Variants in MAPKAPK3 observed in about 807,000 individuals in gnomAD.
MAPKAPK3 encodes MAP kinase-activated protein kinase 3.
MAPKAPK3 carries 35 observed loss-of-function variants against 49.2 expected under a neutral mutation model. The observed-to-expected ratio is 0.71, with a 90% confidence interval of 0.54 to 0.94. The LOEUF is 0.94. Ranked by LOEUF, MAPKAPK3 falls within the 40% of genes least tolerant of loss-of-function variation. The pLI is 0.00. For missense variants in MAPKAPK3, 398 were observed against 493.1 expected (o/e 0.81, Z 1.83); for synonymous variants, 178 against 188.7 (o/e 0.94, Z 0.46).
upstream of MAPKAPK3, among the ~76,000 whole-genome samples, chr3:50,616,417 A>G (rs544434230): frequency 3.9e-5 from 6 of 152,344 alleles, no homozygotes; most frequent in South Asian, 6.2e-4. Context: ...TATATGTGCA[A>G]GGCAAAACTA....
chr3:50,644,685 C>T (rs1288762041), intron 6 of MAPKAPK3, among the ~76,000 whole-genome samples, 153 bp downstream of exon 6: 2 of 152,120 alleles, frequency 1.3e-5, no homozygotes, highest in African/African-American at 4.8e-5. Flanking sequence ...ACGTGGGGGG[C>T]CGGAGGCTGC....
intron 2 of MAPKAPK3, among the ~76,000 whole-genome samples, chr3:50,618,742 T>A (rs1000030132): frequency 6.6e-6 from 1 of 151,932 alleles, no homozygotes; most frequent in African/African-American, 2.4e-5. Flanking sequence ...CAGGCTGGAG[T>A]GCAGTGGCAC....
At chr3:50,644,370 T>C (rs769610245) in intron 5 of MAPKAPK3, 39 bp from the exon 6 acceptor site, 1 of 1,611,770 alleles carries the variant, frequency 6.2e-7, no homozygotes, top group Non-Finnish European at 8.5e-7. Context: ...TCCTGCCTGG[T>C]TCCTAACTCC....
chr3:50,646,455 T>C (rs938921536), intron 8 of MAPKAPK3, among the ~76,000 whole-genome samples, 191 bp downstream of exon 8: 2 of 152,210 alleles, frequency 1.3e-5, no homozygotes, highest in African/African-American at 4.8e-5. Flanking sequence ...GGCTCAAAAC[T>C]TGCCTCCTCA....
At position 50,649,169 on chromosome 3, in the gene MAPKAPK3, A is replaced by C. The variant is rs1342545698; in HGVS notation, c.*1123A>C. 1 of 152,340 alleles carries C rather than the reference A, an allele frequency of 6.6e-6. No individual in the cohort carries two copies. The highest frequency in any genetic ancestry group is 2.4e-5 in the African/African-American group (1 of 41,462). 9.4% of individuals were successfully genotyped at this position (152,340 alleles called of 1,614,324 possible). ...CCTGATACTGCCTGACAAGTGCCTGACACGCAGCCTAGTTCCTTCCTGGCC... is the reference window on the plus strand; with the variant it reads ...CCTGATACTGCCTGACAAGTGCCTGCCACGCAGCCTAGTTCCTTCCTGGCC... On this transcript the variant is annotated 3_prime_UTR_variant, in exon 11 of 11. Transcript: ENST00000621469.
upstream of MAPKAPK3, among the ~76,000 whole-genome samples, chr3:50,613,562 AC>A (rs370927312): frequency 6.6e-6 from 1 of 152,294 alleles, no homozygotes; most frequent in African/African-American, 2.4e-5. Context: ...GGAACTGTCC[AC>A]TGTCTCATTA....
At chr3:50,617,906 T>TGCTCAGCA (rs2032513608) in intron 2 of MAPKAPK3, 122 bp downstream of exon 2, 9 of 739,886 alleles carry the variant, frequency 1.2e-5, no homozygotes, top group Non-Finnish European at 2.1e-5. Flanking sequence ...TTCATCGTCA[T>TGCTCAGCA]ACTGTCCTGT....
chr3:50,632,950 G>A (rs953800959), intron 2 of MAPKAPK3, among the ~76,000 whole-genome samples: 2 of 152,336 alleles, frequency 1.3e-5, no homozygotes, highest in African/African-American at 4.8e-5. Context: ...CTTCCTGGGC[G>A]AGGAAGTGGC....
In MAPKAPK3 at chr3:50,645,793, C is replaced by G; in HGVS notation, c.704+8C>G. 1 of 1,613,524 alleles carries G rather than the reference C, an allele frequency of 6.2e-7. No individual in the cohort carries two copies. Among genetic ancestry groups the G allele is most frequent in the Non-Finnish European group, 8.5e-7 (1 of 1,179,474 alleles). ...TGTCATCATGTACATCCTGTGAGTA[C>G]CTTCCCCACCCCCTGCCTCCATCTC... On this transcript the variant is annotated splice_region_variant and intron_variant, in intron 7 of 10. Coordinates refer to ENST00000621469, the MANE Select transcript of MAPKAPK3 (RefSeq NM_001243925.2).
chr3:50,646,246 T>A lies in MAPKAPK3; in HGVS notation c.811T>A (p.Ser271Thr). The A allele has an allele frequency of 5.0e-6, 8 of 1,614,062 alleles. No individual in the cohort carries two copies. The highest frequency in any genetic ancestry group is 6.8e-6 in the Non-Finnish European group (8 of 1,180,004). The change falls in exon 8 of 11, where the codon TCA (serine) becomes ACA (threonine). Residue 271 changes from serine (S) to threonine (T), a missense_variant. Physicochemically the swap from Ser to Thr is moderately conservative, Grantham distance 58 (BLOSUM62 1). This residue lies in a region of MAPKAPK3 where 152 missense variants were observed against 177.3 expected (regional missense o/e 0.86). Transcript: ENST00000621469. ...GQYGFPNPEWSEVSEDAKQLI... is the reference protein window; with the variant it reads ...GQYGFPNPEWTEVSEDAKQLI... The stretch of plus-strand genomic sequence containing the variant: ...GTACGGCTTCCCCAATCCTGAGTGG[T>A]CAGAAGTCTCTGAGGATGGTGAGTG...
chr3:50,623,976 G>A (rs1206191738), intron 2 of MAPKAPK3, among the ~76,000 whole-genome samples: 1 of 152,242 alleles, frequency 6.6e-6, no homozygotes, highest in African/African-American at 2.4e-5. Flanking sequence ...TGGACAGGTG[G>A]CAGTCCCATG....
chr3:50,633,073 T>TTA (rs1295129711), intron 2 of MAPKAPK3, among the ~76,000 whole-genome samples: 1 of 79,530 alleles, frequency 1.3e-5, no homozygotes, highest in African/African-American at 4.0e-5. Flanking sequence ...ACAAGAAATG[T>TTA]TAGGCCCTGC....
intron 2 of MAPKAPK3, among the ~76,000 whole-genome samples, chr3:50,620,452 C>A (rs941670702): frequency 6.6e-6 from 1 of 152,246 alleles, no homozygotes; most frequent in African/African-American, 2.4e-5. Context: ...CTTGTTCAGG[C>A]CATCTCTGCC....
chr3:50,637,124 C>T (rs1339699223), intron 2 of MAPKAPK3, among the ~76,000 whole-genome samples: 2 of 152,210 alleles, frequency 1.3e-5, no homozygotes, highest in Non-Finnish European at 2.9e-5. Context: ...CAGGCCCAGG[C>T]TGGAAGGCTC....
intron 2 of MAPKAPK3, among the ~76,000 whole-genome samples, chr3:50,634,491 CT>C (rs755345871): frequency 8.0e-4 from 114 of 142,516 alleles, no homozygotes; most frequent in Non-Finnish European, 8.3e-4. Flanking sequence ...TCTTCTTCTT[CT>C]TTTTTTTTTT....
chr3:50,621,597 CAAAAAAAAAA>C (rs57325539), intron 2 of MAPKAPK3, among the ~76,000 whole-genome samples: 2 of 41,766 alleles, frequency 4.8e-5, no homozygotes, highest in Non-Finnish European at 9.7e-5. Flanking sequence ...GGCTGTGTCT[CAAAAAAAAAA>C]AAAAAAAAAA....
chr3:50,639,470 A>C (rs572889261), intron 2 of MAPKAPK3, among the ~76,000 whole-genome samples: 1 of 152,286 alleles, frequency 6.6e-6, no homozygotes, highest in East Asian at 1.9e-4. Flanking sequence ...GGTACTGCAT[A>C]GCAGCTCCCA....
Position 50,644,544 on chromosome 3 carries a change from G to A in MAPKAPK3, c.628+12G>A, listed in dbSNP as rs372000228. Reference sequence around the variant, plus strand: ...TCCCTATTATGTGGGTGAGTCCTTCGGACATGAGTTGTAACTCCTCACCCC... The same window carrying A: ...TCCCTATTATGTGGGTGAGTCCTTCAGACATGAGTTGTAACTCCTCACCCC... On this transcript the variant is annotated intron_variant, in intron 6 of 10. Transcript: ENST00000621469. The A allele has an allele frequency of 5.6e-6, 9 of 1,613,624 alleles. No individual in the cohort carries two copies. The African/African-American group carries it at 9.3e-5, about 17-fold the overall frequency.
rs1276672155 is a variant in MAPKAPK3 at position 50,648,302 on chromosome 3, G to A, written c.*256G>A. ...GCCTGCTGCCATAGCAGCACCTTTA[G>A]CTAGGTTGGCCCGAGTGAGGCCTCT... On this transcript the variant is annotated 3_prime_UTR_variant, in exon 11 of 11. Coordinates refer to ENST00000621469, the MANE Select transcript of MAPKAPK3 (RefSeq NM_001243925.2). The A allele has an allele frequency of 4.6e-6, 2 of 438,402 alleles. No individual in the cohort carries two copies. Among genetic ancestry groups the A allele is most frequent in the Non-Finnish European group, 8.2e-6 (2 of 244,802 alleles). The allele number at this position is 438,402 out of a possible 1,614,324, so 27.2% of individuals were successfully genotyped here.
Sources: allele counts gnomAD v4.1 joint callset (sites outside exome capture counted in the v4.1 genomes callset), GRCh38; gene constraint gnomAD v4.1.1; regional missense constraint gnomAD v4.1.1; transcripts MANE v1.5; gene names NCBI Gene and HGNC (gene_info 2026-07-23, HGNC 2026-07-21).